Variants in OGA observed in about 807,000 individuals in gnomAD.
OGA encodes O-GlcNAcase, also known as protein O-GlcNAcase.
In OGA, 21 loss-of-function variants were observed where a neutral mutation model predicts 102.0. The observed-to-expected ratio is 0.21, with a 90% confidence interval of 0.15 to 0.30. The LOEUF is 0.30. Ranked by LOEUF, OGA falls within the 10% of genes least tolerant of loss-of-function variation. OGA has a pLI of 1.00. For missense variants in OGA, 765 were observed against 1,107.8 expected (o/e 0.69, Z 4.39); for synonymous variants, 408 against 378.2 (o/e 1.08, Z -0.91).
chr10:101,810,303 T>C lies in OGA; in HGVS notation c.361A>G (p.Thr121Ala). The change falls in exon 4 of 16, where the codon ACT becomes GCT. Residue 121 changes from threonine to alanine, a missense_variant. Physicochemically the swap from Thr to Ala is moderately conservative, Grantham distance 58. This residue lies in a region of OGA where 165 missense variants were observed against 249.7 expected (regional missense o/e 0.66). Transcript: ENST00000361464. ...TATTCTCGTGCAGCAGAGATGAGAG[T>C]CATAAGTTGCTCTAAAGAACAGAGT... ...YSVEEAEQLMTLISAAREYEI... is the reference protein window; with the variant it reads ...YSVEEAEQLMALISAAREYEI... 2 of 1,611,448 alleles carry C rather than the reference T, an allele frequency of 1.2e-6. No homozygotes were observed. Among genetic ancestry groups the C allele is most frequent in the Non-Finnish European group, 1.7e-6 (2 of 1,178,774 alleles).
chr10:101,808,639 TAA>T (rs1255571613), intron 4 of OGA, among the ~76,000 whole-genome samples: 1 of 152,098 alleles, frequency 6.6e-6, no homozygotes, highest in Admixed American at 6.6e-5. Flanking sequence ...CCTAAAGAAA[TAA>T]GACATGTATA....
At chr10:101,809,499 T>G (rs541749435) in intron 4 of OGA, among the ~76,000 whole-genome samples, 21 of 152,234 alleles carry the variant, frequency 1.4e-4, no homozygotes, top group African/African-American at 5.1e-4. Context: ...GTGAATCACC[T>G]AAAGTCAGGA....
chr10:101,797,722 T>TA (rs1197208801), intron 10 of OGA: 34 of 581,934 alleles, frequency 5.8e-5, no homozygotes, highest in East Asian at 3.7e-4. Flanking sequence ...CAGAGCAAGT[T>TA]AAAGTCAGTA....
At chr10:101,804,140 T>C (rs1589834023) in intron 6 of OGA, 121 bp from the exon 7 acceptor site, 2 of 772,014 alleles carry the variant, frequency 2.6e-6, no homozygotes, top group South Asian at 3.9e-5. Flanking sequence ...AGCCCAGGAG[T>C]TCGGACCAGC....
intron 3 of OGA, 117 bp from the exon 4 acceptor site, chr10:101,810,431 C>T (rs1273895402): frequency 3.1e-6 from 3 of 976,914 alleles, no homozygotes; most frequent in African/African-American, 3.3e-5. Context: ...AAGATCCTCA[C>T]ATTTTACAAA....
intron 14 of OGA, chr10:101,787,755 A>C: frequency 2.4e-6 from 1 of 416,198 alleles, no homozygotes; most frequent in Non-Finnish European, 4.5e-6. Flanking sequence ...CCTCGCGTGC[A>C]CGCGCTCTCT....
chr10:101,797,079 A>G lies in OGA; in HGVS notation c.1984+901T>C, dbSNP rs1476910380. 3 of 151,964 alleles carry G rather than the reference A, an allele frequency of 2.0e-5. No individual in the cohort carries two copies. The East Asian group carries it at 5.8e-4, about 29-fold the overall frequency. The allele number at this position is 151,964 out of a possible 1,614,324, so 9.4% of individuals were successfully genotyped here. A position where few individuals can be genotyped will look rare whatever the true frequency, so the allele number is the denominator to read the frequency against. ...AAGAGCTCAAAGGTATACAGGCAGAAAGTGGAAAATCTCACTACTACTTTT... is the reference window on the plus strand; with the variant it reads ...AAGAGCTCAAAGGTATACAGGCAGAGAGTGGAAAATCTCACTACTACTTTT... On this transcript the variant is annotated intron_variant, in intron 10 of 15. Transcript: ENST00000361464.
Position 101,807,884 on chromosome 10 carries a change from G to T in OGA, c.498C>A (p.Cys166Ter). 6.6e-7 allele frequency: 1 copy of T among 1,518,398 alleles called. No individual in the cohort carries two copies. Among genetic ancestry groups the T allele is most frequent in the Non-Finnish European group, 8.8e-7 (1 of 1,138,352 alleles). The allele number at this position is 1,518,398 out of a possible 1,614,324, so 94.1% of individuals were successfully genotyped here. The change falls in exon 5 of 16, where the codon TGC becomes TGA. Residue 166 changes from cysteine (C) to a stop codon, truncating the protein, a stop_gained. Coordinates refer to ENST00000361464, the MANE Select transcript of OGA (RefSeq NM_012215.5). LOFTEE classifies it high-confidence loss of function. The stretch of plus-strand genomic sequence containing the variant: ...CATCAAAAAGCAAAGCAAATGATCT[G>T]CACCCAAACTGAGAAACCTAGGAGA... ...RKLDQVSQFG[C>*]RSFALLFDDI...
intron 11 of OGA, 130 bp downstream of exon 11, chr10:101,793,783 T>C: frequency 3.0e-6 from 2 of 657,052 alleles, no homozygotes; most frequent in Non-Finnish European, 5.3e-6. Flanking sequence ...AAAATCCAGC[T>C]ATGTAACTAA....
intron 10 of OGA, chr10:101,795,859 T>C (rs2065308534): frequency 1.1e-6 from 1 of 943,514 alleles, no homozygotes; most frequent in South Asian, 4.9e-5. Context: ...GTTTACAAAC[T>C]TGTGTTGAGC....
intron 6 of OGA, 95 bp from the exon 7 acceptor site, chr10:101,804,114 G>A: frequency 8.6e-7 from 1 of 1,161,410 alleles, no homozygotes; most frequent in South Asian, 1.5e-5. Flanking sequence ...GGAGGCAGAG[G>A]TGGGCAGATC....
chr10:101,792,613 A>G, intron 12 of OGA: 1 of 452,854 alleles, frequency 2.2e-6, no homozygotes. Context: ...CTCTGAATAC[A>G]TTTCATCTGA....
intron 1 of OGA, among the ~76,000 whole-genome samples, chr10:101,816,594 T>C (rs1468916625): frequency 1.3e-5 from 2 of 152,194 alleles, no homozygotes. Flanking sequence ...AAAATCTCCC[T>C]GCACTCAAGC....
At chr10:101,817,756 C>A in intron 1 of OGA, 68 bp downstream of exon 1, 2 of 1,503,432 alleles carry the variant, frequency 1.3e-6, no homozygotes, top group Middle Eastern at 2.3e-4. Context: ...CCAAAATCCC[C>A]GCCACCACCC....
chr10:101,804,295 CAG>C (rs764626847), intron 6 of OGA, among the ~76,000 whole-genome samples: 65 of 132,356 alleles, frequency 4.9e-4, no homozygotes, highest in Non-Finnish European at 5.5e-4. Flanking sequence ...TTTTTTGAGA[CAG>C]AGTCTCGCTG....
chr10:101,796,938 T>TA (rs1442146709), intron 10 of OGA: 1 of 152,110 alleles, frequency 6.6e-6, no homozygotes, highest in Non-Finnish European at 1.5e-5. Context: ...TTCTACCTGT[T>TA]ATTACAGCAA....
intron 14 of OGA, 29 bp from the exon 15 acceptor site, chr10:101,787,552 A>C (rs1395291833): frequency 1.3e-6 from 2 of 1,583,656 alleles, no homozygotes; most frequent in African/African-American, 2.7e-5. Flanking sequence ...CTTGACTTTC[A>C]CAATAGTTAC....
At chr10:101,786,723 T>C (rs2065193339) in intron 15 of OGA, 136 bp from the exon 16 acceptor site, 3 of 747,582 alleles carry the variant, frequency 4.0e-6, no homozygotes, top group East Asian at 6.5e-5. Context: ...TTTCACACAA[T>C]TAAAAAAATT....
chr10:101,805,324 G>C (rs1273351203), intron 6 of OGA, among the ~76,000 whole-genome samples: 1 of 152,128 alleles, frequency 6.6e-6, no homozygotes, highest in Non-Finnish European at 1.5e-5. Flanking sequence ...TTCATATTAA[G>C]AGAATATGTA....
Sources: allele counts gnomAD v4.1 joint callset (sites outside exome capture counted in the v4.1 genomes callset), GRCh38; gene constraint gnomAD v4.1.1; regional missense constraint gnomAD v4.1.1; transcripts MANE v1.5; gene names NCBI Gene and HGNC (gene_info 2026-07-23, HGNC 2026-07-21).